The following PCDH9 variants were observed in gnomAD, a reference collection of about 807,000 sequenced individuals.
PCDH9 encodes the protein protocadherin-9.
In PCDH9, 24 loss-of-function variants were observed where a neutral mutation model predicts 70.6. The ratio of observed to expected loss-of-function variants is 0.34; its 90% confidence interval spans 0.25 to 0.48. The LOEUF (loss-of-function observed/expected upper bound fraction) is 0.48. Ranked by LOEUF, PCDH9 falls within the 20% of genes least tolerant of loss-of-function variation. The pLI, the probability that PCDH9 is intolerant of heterozygous loss-of-function variation, is 0.99. For synonymous variants in PCDH9, 562 were observed against 558.5 expected (o/e 1.01, Z -0.09); for missense variants, 1,281 against 1,503.6 (o/e 0.85, Z 2.45).
chr13:66,529,224 G>A (rs1179376072), intron 4 of PCDH9, among the ~76,000 whole-genome samples: 2 of 151,714 alleles, frequency 1.3e-5, no homozygotes, highest in Non-Finnish European at 2.9e-5. Context: ...AAAGGAAGTT[G>A]AAGTTAATAA....
chr13:66,478,145 C>T (rs1029525987), intron 4 of PCDH9, among the ~76,000 whole-genome samples: 4 of 152,098 alleles, frequency 2.6e-5, no homozygotes, highest in Non-Finnish European at 5.9e-5. Context: ...GACGTGGGAT[C>T]GGTGACCTTT....
intron 4 of PCDH9, among the ~76,000 whole-genome samples, chr13:66,519,219 A>G (rs1959879399): frequency 6.6e-6 from 1 of 152,174 alleles, no homozygotes; most frequent in Non-Finnish European, 1.5e-5. Flanking sequence ...AGGTTCTGTA[A>G]GAATTAAATA....
intron 4 of PCDH9, among the ~76,000 whole-genome samples, chr13:66,363,728 C>T (rs949776365): frequency 6.6e-6 from 1 of 152,142 alleles, no homozygotes; most frequent in Admixed American, 6.6e-5. Context: ...ATATAAGTGA[C>T]TATATTTGTA....
chr13:66,913,370 A>G lies in PCDH9; in HGVS notation c.3037-9765T>C, dbSNP rs530344498. ...TTTCAAATTGTGTTTTTGCAAGTGGAGTGTTTCATGTTTTGATTTTAAATT... is the reference window on the plus strand; with the variant it reads ...TTTCAAATTGTGTTTTTGCAAGTGGGGTGTTTCATGTTTTGATTTTAAATT... On this transcript the variant is annotated intron_variant, in intron 2 of 4. Transcript: ENST00000377865. 1.1e-4 allele frequency among the ~76,000 whole-genome samples: 17 copies of G among 152,134 alleles called. No homozygotes were observed. The East Asian group carries it at 1.9e-3, about 17-fold the overall frequency.
intron 2 of PCDH9, chr13:67,222,431 T>C (rs1158393760): frequency 6.6e-6 from 1 of 152,142 alleles, no homozygotes; most frequent in Non-Finnish European, 1.5e-5. Flanking sequence ...GTGTTTCCTA[T>C]GTTCTTTGCA....
intron 4 of PCDH9, among the ~76,000 whole-genome samples, chr13:66,357,694 G>A (rs1170419292): frequency 5.3e-5 from 8 of 152,084 alleles, no homozygotes; most frequent in East Asian, 1.9e-4. Flanking sequence ...CTGCAAGACC[G>A]TGACGAATAA....
chr13:66,603,589 T>C (rs925762216), intron 4 of PCDH9, among the ~76,000 whole-genome samples: 2 of 151,994 alleles, frequency 1.3e-5, no homozygotes, highest in African/African-American at 4.8e-5. Flanking sequence ...TAAGGAATAT[T>C]TGAACTTTAA....
At chr13:66,454,533 A>T (rs1958278895) in intron 4 of PCDH9, among the ~76,000 whole-genome samples, 1 of 152,212 alleles carries the variant, frequency 6.6e-6, no homozygotes, top group Admixed American at 6.5e-5. Flanking sequence ...ATGATATCCT[A>T]TGTATAAAAG....
At chr13:66,909,199 C>A (rs536645034) in intron 2 of PCDH9, among the ~76,000 whole-genome samples, 15 of 151,670 alleles carry the variant, frequency 9.9e-5, no homozygotes, top group Non-Finnish European at 2.1e-4. Context: ...GTTAATCCCA[C>A]TTACAATAAC....
intron 4 of PCDH9, among the ~76,000 whole-genome samples, chr13:66,622,846 T>C (rs2077444814): frequency 6.6e-6 from 1 of 151,288 alleles, no homozygotes. Flanking sequence ...GGAATAAATC[T>C]TGCTGCTGCT....
At chr13:66,675,751 C>T (rs188536299) in intron 3 of PCDH9, among the ~76,000 whole-genome samples, 2 of 152,122 alleles carry the variant, frequency 1.3e-5, no homozygotes, top group Admixed American at 6.6e-5. Flanking sequence ...TTTTCCTTAA[C>T]CTGTCCTTCA....
intron 2 of PCDH9, among the ~76,000 whole-genome samples, chr13:66,984,191 C>T (rs751289410): frequency 7.9e-5 from 12 of 152,056 alleles, no homozygotes; most frequent in Non-Finnish European, 1.3e-4. Flanking sequence ...CTCTTTACTA[C>T]GTCAGATTCC....
intron 4 of PCDH9, among the ~76,000 whole-genome samples, chr13:66,338,598 C>A (rs995364387): frequency 1.3e-5 from 2 of 151,146 alleles, no homozygotes; most frequent in African/African-American, 4.9e-5. Context: ...CAGATGAACC[C>A]TTTCTCTTCT....
At chr13:66,937,820 C>CTT (rs57911340) in intron 2 of PCDH9, among the ~76,000 whole-genome samples, 1 of 146,882 alleles carries the variant, frequency 6.8e-6, no homozygotes, top group Non-Finnish European at 1.5e-5. Flanking sequence ...ATCACTTTAC[C>CTT]TTTTTTTTTT....
At chr13:66,636,156 T>C (rs1566472424) in intron 3 of PCDH9, among the ~76,000 whole-genome samples, 1 of 152,150 alleles carries the variant, frequency 6.6e-6, no homozygotes, top group Non-Finnish European at 1.5e-5. Context: ...TTTGGTCATG[T>C]GATTATGATA....
intron 4 of PCDH9, among the ~76,000 whole-genome samples, chr13:66,382,915 C>T (rs1956872534): frequency 6.6e-6 from 1 of 152,076 alleles, no homozygotes; most frequent in African/African-American, 2.4e-5. Flanking sequence ...GTCTGTAATC[C>T]CAGCTATTCG....
intron 4 of PCDH9, among the ~76,000 whole-genome samples, chr13:66,523,130 C>T (rs971013764): frequency 6.6e-6 from 1 of 151,930 alleles, no homozygotes; most frequent in African/African-American, 2.4e-5. Flanking sequence ...CATCAGCATT[C>T]TTGAAAGTTC....
intron 3 of PCDH9, among the ~76,000 whole-genome samples, chr13:66,874,290 GA>G (rs1160200889): frequency 6.6e-6 from 1 of 152,086 alleles, no homozygotes; most frequent in Non-Finnish European, 1.5e-5. Flanking sequence ...CAGCTTTACT[GA>G]AAAGCTAGGT....
At chr13:66,512,824 T>A (rs1261136741) in intron 4 of PCDH9, among the ~76,000 whole-genome samples, 1 of 152,010 alleles carries the variant, frequency 6.6e-6, no homozygotes, top group East Asian at 1.9e-4. Context: ...TTTTTTGTTT[T>A]GTTTTGTTTT....
Sources: gnomAD v4.1 joint callset for allele counts (sites outside exome capture counted in the v4.1 genomes callset) on GRCh38, gnomAD v4.1.1 for gene constraint, MANE v1.5 for transcripts, NCBI Gene and HGNC (gene_info 2026-07-23, HGNC 2026-07-21) for gene names.